OAT: variants seen among roughly 807,000 people sequenced by gnomAD.
OAT encodes the protein ornithine aminotransferase, mitochondrial.
OAT carries 35 observed loss-of-function variants against 48.4 expected under a neutral mutation model. That is an observed-to-expected ratio of 0.72 (90% CI 0.55 to 0.96). The LOEUF (loss-of-function observed/expected upper bound fraction) is 0.96. OAT is among the 40% of genes least tolerant of loss of function. OAT has a pLI of 0.00. For synonymous variants in OAT, 182 were observed against 198.4 expected (o/e 0.92, Z 0.70); for missense variants, 438 against 537.9 (o/e 0.81, Z 1.84).
At chr10:124,403,547 C>G (rs1419218468) in intron 6 of OAT, among the ~76,000 whole-genome samples, 1 of 152,166 alleles carries the variant, frequency 6.6e-6, no homozygotes, top group Non-Finnish European at 1.5e-5. Flanking sequence ...CTGTTAAGAC[C>G]AGGTCTGCAG....
intron 7 of OAT, 46 bp downstream of exon 7, chr10:124,402,881 A>C (rs769845287): frequency 2.5e-6 from 4 of 1,609,636 alleles, no homozygotes; most frequent in South Asian, 2.2e-5. Context: ...TTAGGGGTAT[A>C]TTTTACAAGA....
At chr10:124,399,674 G>T (rs1445679205) in intron 9 of OAT, among the ~76,000 whole-genome samples, 1 of 152,100 alleles carries the variant, frequency 6.6e-6, no homozygotes, top group Non-Finnish European at 1.5e-5. Context: ...TGCAGCCAAG[G>T]TTGGGAGGTT....
chr10:124,405,736 G>C, intron 4 of OAT, 173 bp from the exon 5 acceptor site: 1 of 1,438,506 alleles, frequency 7.0e-7, no homozygotes, highest in East Asian at 2.8e-5. Context: ...AAACACCATG[G>C]CTCCTATGAC....
rs1453312313 is a variant in OAT, at chr10:124,412,129, T to C, written c.43A>G (p.Ser15Gly). The C allele has an allele frequency of 6.2e-7, 1 of 1,614,196 alleles. No individual in the cohort carries two copies. The change falls in exon 2 of 10, where the codon AGT (serine) becomes GGT (glycine). Residue 15 changes from serine to glycine, a missense_variant. Physicochemically the swap from Ser to Gly is moderately conservative, Grantham distance 56 (BLOSUM62 0). Transcript: ENST00000368845. ...LAHLQRFAVLSRGVHSSVASA... is the reference protein window; with the variant it reads ...LAHLQRFAVLGRGVHSSVASA... ...GCCACTGAAGAATGAACTCCGCGACTAAGTACAGCAAACCTCTGCAAATGT... is the reference window on the plus strand; with the variant it reads ...GCCACTGAAGAATGAACTCCGCGACCAAGTACAGCAAACCTCTGCAAATGT...
intron 8 of OAT, 82 bp downstream of exon 8, chr10:124,401,644 T>C: frequency 1.1e-6 from 1 of 921,126 alleles, no homozygotes; most frequent in South Asian, 1.4e-5. Flanking sequence ...TTGAATTTTT[T>C]ATTATACCAG....
intron 9 of OAT, among the ~76,000 whole-genome samples, chr10:124,398,853 A>G (rs1273148184): frequency 6.6e-6 from 1 of 151,712 alleles, no homozygotes; most frequent in African/African-American, 2.4e-5. Context: ...CATCTCTAAT[A>G]AAAATACAAA....
At position 124,400,989 on chromosome 10, in the gene OAT, G is replaced by C; in HGVS notation, c.1015-5C>G. 6.2e-7 allele frequency: 1 copy of C among 1,605,068 alleles called. No individual in the cohort carries two copies. The highest frequency in any genetic ancestry group is 1.1e-5 in the South Asian group (1 of 90,524). On this transcript the variant is annotated splice_region_variant and splice_polypyrimidine_tract_variant and intron_variant, in intron 8 of 9. Coordinates refer to ENST00000368845, the MANE Select transcript of OAT (RefSeq NM_000274.4). Reference sequence around the variant, plus strand: ...AAGGTTTTCTTCTTCTAAAACCTACGTTTAAAGAAAAATTATACAAATATT... The same window carrying C: ...AAGGTTTTCTTCTTCTAAAACCTACCTTTAAAGAAAAATTATACAAATATT...
chr10:124,418,215 C>T (rs1951980262), intron 1 of OAT: 1 of 152,352 alleles, frequency 6.6e-6, no homozygotes, highest in Non-Finnish European at 1.5e-5. Context: ...TCGACAGAGG[C>T]TGGAGAAAAA....
At chr10:124,409,979 G>A (rs546801129) in intron 2 of OAT, among the ~76,000 whole-genome samples, 1 of 152,268 alleles carries the variant, frequency 6.6e-6, no homozygotes, top group South Asian at 2.1e-4. Context: ...AAACAAGGTT[G>A]CCATGTCATG....
chr10:124,404,507 C>T (rs940835948), intron 5 of OAT, among the ~76,000 whole-genome samples: 3 of 151,606 alleles, frequency 2.0e-5, no homozygotes, highest in Non-Finnish European at 4.4e-5. Flanking sequence ...AGGCTGGTCT[C>T]GACTCCTGAC....
intron 2 of OAT, 38 bp from the exon 3 acceptor site, chr10:124,409,003 T>G (rs758500670): frequency 6.5e-7 from 1 of 1,530,684 alleles, no homozygotes; most frequent in Admixed American, 1.7e-5. Flanking sequence ...TTTAGACAAT[T>G]ACTATACGGC....
intron 1 of OAT, among the ~76,000 whole-genome samples, chr10:124,413,435 C>G (rs1951821062): frequency 6.6e-6 from 1 of 152,120 alleles, no homozygotes; most frequent in South Asian, 2.1e-4. Flanking sequence ...CCTATAATCC[C>G]AGCACTTTGG....
intron 9 of OAT, among the ~76,000 whole-genome samples, chr10:124,400,392 C>G (rs1951369671): frequency 6.8e-6 from 1 of 148,134 alleles, no homozygotes; most frequent in Non-Finnish European, 1.5e-5. Flanking sequence ...AAGTTGCAGT[C>G]AGCCAAAATG....
intron 6 of OAT, 162 bp from the exon 7 acceptor site, chr10:124,403,217 C>A: frequency 1.3e-6 from 1 of 752,508 alleles, no homozygotes; most frequent in Non-Finnish European, 2.3e-6. Flanking sequence ...CAAGAGTATC[C>A]TATAAGAATC....
chr10:124,418,353 T>C (rs1185848814), intron 1 of OAT, among the ~76,000 whole-genome samples: 1 of 152,154 alleles, frequency 6.6e-6, no homozygotes, highest in Non-Finnish European at 1.5e-5. Context: ...ACCGGTTTAC[T>C]GCACAGCTCC....
chr10:124,407,840 C>A (rs1951627160), intron 4 of OAT, among the ~76,000 whole-genome samples: 1 of 152,182 alleles, frequency 6.6e-6, no homozygotes. Flanking sequence ...AACCAAAATT[C>A]AAGTTATTCC....
At chr10:124,410,372 A>C (rs534155223) in intron 2 of OAT, among the ~76,000 whole-genome samples, 1 of 152,366 alleles carries the variant, frequency 6.6e-6, no homozygotes, top group Non-Finnish European at 1.5e-5. Flanking sequence ...AAAGAAGACT[A>C]AACATGACAA....
At chr10:124,403,676 T>A in intron 6 of OAT, 122 bp downstream of exon 6, 1 of 1,405,560 alleles carries the variant, frequency 7.1e-7, no homozygotes, top group Non-Finnish European at 1.0e-6. Flanking sequence ...TGGAAAGTAA[T>A]TTAATCTTTG....
At chr10:124,416,301 C>T (rs1205637533) in intron 1 of OAT, among the ~76,000 whole-genome samples, 2 of 152,178 alleles carry the variant, frequency 1.3e-5, no homozygotes, top group African/African-American at 4.8e-5. Flanking sequence ...GTCAGTCTTA[C>T]TTAGGACTCC....
Sources: allele counts gnomAD v4.1 joint callset (sites outside exome capture counted in the v4.1 genomes callset), GRCh38; gene constraint gnomAD v4.1.1; transcripts MANE v1.5; gene names NCBI Gene and HGNC (gene_info 2026-07-23, HGNC 2026-07-21).